Variants in CDK13 observed in about 807,000 individuals in gnomAD.
CDK13 encodes cyclin dependent kinase 13, also known as cyclin-dependent kinase 13.
A neutral mutation model predicts 137.6 loss-of-function variants in CDK13; 40 were observed. That is an observed-to-expected ratio of 0.29 (90% confidence interval 0.23 to 0.38). The LOEUF (loss-of-function observed/expected upper bound fraction) is 0.38. Among genes scored for constraint, CDK13 ranks in the 10% least tolerant of loss-of-function variants. The pLI is 1.00. For synonymous variants in CDK13, 869 were observed against 760.1 expected (o/e 1.14, Z -2.36); for missense variants, 1,704 against 1,951.8 (o/e 0.87, Z 2.39).
At chr7:39,961,017 ATT>A (rs139554181) in intron 1 of CDK13, among the ~76,000 whole-genome samples, 6,053 of 150,664 alleles carry the variant, frequency 0.04, 357 homozygotes, top group African/African-American at 0.13. Context: ...TTTTAAAATA[ATT>A]TTTTTTTTAA....
intron 5 of CDK13, among the ~76,000 whole-genome samples, chr7:40,044,707 G>C (rs956336325): frequency 6.6e-6 from 1 of 152,078 alleles, no homozygotes; most frequent in Admixed American, 6.6e-5. Context: ...CGTGATCTCG[G>C]CTCACTGCAA....
At chr7:39,975,361 A>T (rs1236474561) in intron 1 of CDK13, among the ~76,000 whole-genome samples, 2 of 152,116 alleles carry the variant, frequency 1.3e-5, no homozygotes, top group Non-Finnish European at 2.9e-5. Flanking sequence ...GCAGTGAGCC[A>T]AGATTGCACC....
chr7:40,075,747 G>A (rs1786532149), intron 9 of CDK13, among the ~76,000 whole-genome samples: 1 of 152,176 alleles, frequency 6.6e-6, no homozygotes, highest in Admixed American at 6.5e-5. Context: ...AGCGGCCCAT[G>A]CTTGTAATCC....
At chr7:40,056,419 C>T (rs1314961927) in intron 7 of CDK13, among the ~76,000 whole-genome samples, 1 of 152,126 alleles carries the variant, frequency 6.6e-6, no homozygotes, top group Non-Finnish European at 1.5e-5. Flanking sequence ...CTGTTCTCTC[C>T]CTGGCTTTAT....
chr7:39,994,919 AC>A (rs1172241932), intron 2 of CDK13, among the ~76,000 whole-genome samples: 25 of 151,888 alleles, frequency 1.6e-4, no homozygotes, highest in Non-Finnish European at 2.5e-4. Flanking sequence ...AAAAAAAAAA[AC>A]AACTCTTCCT....
intron 11 of CDK13, among the ~76,000 whole-genome samples, 197 bp from the exon 12 acceptor site, chr7:40,087,929 T>TTA (rs1319934525): frequency 2.0e-5 from 3 of 152,056 alleles, no homozygotes; most frequent in African/African-American, 7.2e-5. Context: ...GAAAAATAGA[T>TTA]TATCTGTAAA....
At chr7:40,051,922 G>C (rs1389792986) in intron 7 of CDK13, among the ~76,000 whole-genome samples, 1 of 152,058 alleles carries the variant, frequency 6.6e-6, no homozygotes, top group Non-Finnish European at 1.5e-5. Flanking sequence ...TAAAACTTGA[G>C]AATAGAGATT....
At chr7:40,046,379 C>T (rs1046614737) in intron 6 of CDK13, among the ~76,000 whole-genome samples, 7 of 152,202 alleles carry the variant, frequency 4.6e-5, no homozygotes, top group African/African-American at 1.7e-4. Context: ...CACAGTGGCT[C>T]ACGCCTGTAA....
intron 5 of CDK13, among the ~76,000 whole-genome samples, chr7:40,021,064 C>T (rs944686013): frequency 2.8e-5 from 4 of 144,514 alleles, no homozygotes; most frequent in African/African-American, 1.0e-4. Flanking sequence ...GCACTCCAGC[C>T]TGGTGACAGA....
intron 5 of CDK13, among the ~76,000 whole-genome samples, chr7:40,031,071 A>G (rs1296312584): frequency 6.6e-6 from 1 of 152,220 alleles, no homozygotes; most frequent in Non-Finnish European, 1.5e-5. Context: ...GAAACTGCCA[A>G]ACTGTCTTCC....
rs535252436 is a variant in CDK13, at chr7:40,083,390, G to A, written c.3029+4539G>A. Among the ~76,000 whole-genome samples, 60 of 151,412 alleles carry A rather than the reference G, an allele frequency of 4.0e-4. 1 individual carries two copies. Among genetic ancestry groups the A allele is most frequent in the Admixed American group, 3.9e-3 (59 of 15,160 alleles). On this transcript the variant is annotated intron_variant, in intron 11 of 13. Coordinates refer to ENST00000181839, the MANE Select transcript of CDK13 (RefSeq NM_003718.5). ...TGTCTAGTAATTATTTGCCTTTTCAGTTGTCTTACCAATGCTTATGAAATG... is the reference window on the plus strand; with the variant it reads ...TGTCTAGTAATTATTTGCCTTTTCAATTGTCTTACCAATGCTTATGAAATG...
At chr7:40,066,491 GA>G (rs1005385727) in intron 9 of CDK13, among the ~76,000 whole-genome samples, 1 of 152,158 alleles carries the variant, frequency 6.6e-6, no homozygotes, top group African/African-American at 2.4e-5. Context: ...AGAGTATGCT[GA>G]ACAGGAGGTA....
chr7:39,991,484 A>AGTGTGTGTGTGTGT (rs66520870), intron 2 of CDK13, among the ~76,000 whole-genome samples: 4 of 143,670 alleles, frequency 2.8e-5, no homozygotes, highest in East Asian at 2.1e-4. Flanking sequence ...CATTAGCAAA[A>AGTGTGTGTGTGTGT]GTGTGTGTGT....
chr7:40,064,882 C>T (rs1304013762), intron 9 of CDK13, among the ~76,000 whole-genome samples: 2 of 149,556 alleles, frequency 1.3e-5, no homozygotes, highest in African/African-American at 4.9e-5. Context: ...GCCTTGACCT[C>T]CTGGAGCCAA....
At chr7:40,055,036 T>A (rs1156596406) in intron 7 of CDK13, among the ~76,000 whole-genome samples, 2 of 152,112 alleles carry the variant, frequency 1.3e-5, no homozygotes, top group African/African-American at 4.8e-5. Context: ...GAAATTGAAA[T>A]GCACAATAGT....
chr7:39,997,218 A>G (rs543172447), intron 2 of CDK13, among the ~76,000 whole-genome samples: 2 of 152,230 alleles, frequency 1.3e-5, no homozygotes, highest in East Asian at 1.9e-4. Flanking sequence ...TTCGTTAACA[A>G]TTAATCAATA....
rs773129889 is a variant in CDK13, at chr7:39,951,871, C to T, written c.1211+19C>T. The T allele has an allele frequency of 6.0e-5, 80 of 1,341,946 alleles. No homozygotes were observed. Among genetic ancestry groups the T allele is most frequent in the Non-Finnish European group, 7.3e-5 (76 of 1,045,062 alleles). The allele number at this position is 1,341,946 out of a possible 1,614,324, so 83.1% of individuals were successfully genotyped here. ...TGCTCAGGTGAGTTCTGCCGTTCTG[C>T]CTGTGTGTGCCTTGGCTGCGCTGGC... On this transcript the variant is annotated intron_variant, in intron 1 of 13. Coordinates refer to ENST00000181839, the MANE Select transcript of CDK13 (RefSeq NM_003718.5).
chr7:39,960,330 A>G (rs1307940580), intron 1 of CDK13, among the ~76,000 whole-genome samples: 2 of 150,570 alleles, frequency 1.3e-5, no homozygotes, highest in African/African-American at 4.9e-5. Context: ...ATCTCGGCTC[A>G]CTGCAAGCTC....
intron 2 of CDK13, among the ~76,000 whole-genome samples, chr7:39,996,983 A>AAAAAAAAAAAAAAAAAAAAAAAAG (rs1562719391): frequency 7.1e-5 from 10 of 141,468 alleles, no homozygotes; most frequent in African/African-American, 3.0e-4. Context: ...AAAAGAAAAA[A>AAAAAAAAAAAAAAAAAAAAAAAAG]AAAAAGAAAA....
Sources: gnomAD v4.1 joint callset for allele counts (sites outside exome capture counted in the v4.1 genomes callset) on GRCh38, gnomAD v4.1.1 for gene constraint, MANE v1.5 for transcripts, NCBI Gene and HGNC (gene_info 2026-07-23, HGNC 2026-07-21) for gene names.